The following C5 variants were observed in gnomAD, a reference collection of about 807,000 sequenced individuals.
C5 encodes complement C5.
Under a neutral mutation model 218.8 loss-of-function variants are expected in C5, and 140 were observed. The observed-to-expected ratio is 0.64, with a 90% CI of 0.56 to 0.74. The LOEUF (loss-of-function observed/expected upper bound fraction) is 0.74. C5 is among the 30% of genes least tolerant of loss of function. The pLI, the probability that C5 is intolerant of heterozygous loss-of-function variation, is 0.00. For missense variants in C5, 1,700 were observed against 1,969.6 expected, an observed-to-expected ratio of 0.86 and a Z score of 2.59; for synonymous variants, 614 against 682.3, an observed-to-expected ratio of 0.90 and a Z score of 1.56.
intron 20 of C5, among the ~76,000 whole-genome samples, chr9:121,000,841 C>T (rs1269124295): frequency 3.3e-5 from 5 of 152,130 alleles, no homozygotes; most frequent in Non-Finnish European, 1.5e-5. Context: ...CACCCTCCAC[C>T]CTCAAGCAGG....
chr9:120,977,132 C>T (rs373851810), intron 28 of C5, among the ~76,000 whole-genome samples: 8 of 152,176 alleles, frequency 5.3e-5, no homozygotes, highest in African/African-American at 1.9e-4. Flanking sequence ...TGAAATGCCC[C>T]CAAAATCTGA....
At chr9:121,036,456 G>A (rs2047525394) in intron 4 of C5, among the ~76,000 whole-genome samples, 1 of 152,204 alleles carries the variant, frequency 6.6e-6, no homozygotes, top group South Asian at 2.1e-4. Context: ...GTTGGATAAA[G>A]AGCATACATC....
At chr9:120,974,224 A>G (rs2046935316) in intron 30 of C5, among the ~76,000 whole-genome samples, 1 of 152,182 alleles carries the variant, frequency 6.6e-6, no homozygotes, top group Non-Finnish European at 1.5e-5. Flanking sequence ...CCACCTTTAA[A>G]AATCCAGCAG....
intron 12 of C5, among the ~76,000 whole-genome samples, chr9:121,018,938 A>C (rs2047340388): frequency 6.6e-6 from 1 of 152,166 alleles, no homozygotes; most frequent in African/African-American, 2.4e-5. Context: ...AGAAACTAAA[A>C]GTCATACTGA....
the C5 span, among the ~76,000 whole-genome samples, chr9:121,067,085 G>T: frequency 2.6e-5 from 4 of 151,918 alleles, no homozygotes; most frequent in Non-Finnish European, 5.9e-5. Flanking sequence ...GGGCAATGCT[G>T]CAAGACCCCA....
At chr9:121,010,248 C>T (rs1265254341) in intron 17 of C5, among the ~76,000 whole-genome samples, 1 of 152,060 alleles carries the variant, frequency 6.6e-6, no homozygotes, top group East Asian at 1.9e-4. Flanking sequence ...GAGGACTCCA[C>T]CAAAAAACTA....
At chr9:120,995,857 C>T (rs557399424) in intron 22 of C5, among the ~76,000 whole-genome samples, 2 of 141,322 alleles carry the variant, frequency 1.4e-5, no homozygotes, top group South Asian at 2.2e-4. Flanking sequence ...CTTGCTCTGT[C>T]GCCCAGGCTG....
At position 121,018,802 on chromosome 9, in the gene C5, A is replaced by G. The variant is rs749528500; in HGVS notation, c.1507-950T>C. ...GGAAGGAAGGAAGGAAGGAAGGAAG[A>G]AAGAGTGAGTTAACGTTTATGGGCC... On this transcript the variant is annotated intron_variant, in intron 12 of 40. Transcript: ENST00000223642. Among the ~76,000 whole-genome samples, 266 of 129,198 alleles carry G rather than the reference A, an allele frequency of 2.1e-3. 1 individual carries two copies. Among genetic ancestry groups the G allele is most frequent in the African/African-American group, 5.6e-3 (205 of 36,454 alleles). The allele number at this position is 129,198 out of a possible 152,430, so 84.8% of individuals were successfully genotyped here.
chr9:120,957,724 C>T (rs2046796769), intron 38 of C5, among the ~76,000 whole-genome samples: 2 of 152,156 alleles, frequency 1.3e-5, no homozygotes. Flanking sequence ...TTTGAAGAGC[C>T]CCTTCATTCT....
In C5 at chr9:121,017,766, T is replaced by C. The variant is rs1229960564; in HGVS notation, c.1593A>G (p.Thr531=). The C allele has an allele frequency of 6.2e-7, 1 of 1,613,430 alleles. No homozygotes were observed. ...ASYQSINIPV[T]QNMVPSSRLL... is the part of the protein sequence containing the mutation. Reference sequence around the variant, plus strand: ...GTCGGGATGAAGGAACCATGTTCTGTGTTACTGGAATGTTTATACTTTGAT... The same window carrying C: ...GTCGGGATGAAGGAACCATGTTCTGCGTTACTGGAATGTTTATACTTTGAT... The change falls in exon 13 of 41, where the codon ACA becomes ACG. Residue 531 remains threonine, a synonymous_variant. Transcript: ENST00000223642.
chr9:120,985,775 T>C (rs1470182958), intron 25 of C5, among the ~76,000 whole-genome samples: 1 of 152,218 alleles, frequency 6.6e-6, no homozygotes, highest in African/African-American at 2.4e-5. Context: ...ATCACTTCAT[T>C]TTGGAAGCAA....
chr9:120,984,714 CTTTTTTTT>C (rs149222003), intron 25 of C5, among the ~76,000 whole-genome samples: 3 of 69,224 alleles, frequency 4.3e-5, no homozygotes, highest in Admixed American at 2.1e-4. Flanking sequence ...TAAGCTCTTA[CTTTTTTTT>C]TTTTTTTTTT....
intron 22 of C5, among the ~76,000 whole-genome samples, chr9:120,992,682 G>C (rs141406305): frequency 2.0e-5 from 3 of 152,006 alleles, no homozygotes; most frequent in African/African-American, 7.3e-5. Flanking sequence ...CAGTGATCAC[G>C]GTAAAAGACT....
intron 17 of C5, among the ~76,000 whole-genome samples, chr9:121,008,846 C>T (rs1321800725): frequency 6.6e-6 from 1 of 152,088 alleles, no homozygotes; most frequent in Non-Finnish European, 1.5e-5. Context: ...ACAAGAATCA[C>T]TTGAACCTGG....
chr9:121,013,318 GAAA>G (rs138938912), intron 17 of C5, among the ~76,000 whole-genome samples: 2 of 99,242 alleles, frequency 2.0e-5, no homozygotes, highest in Admixed American at 1.2e-4. Flanking sequence ...GATTCCTACT[GAAA>G]AAAAAAAAAA....
At chr9:121,008,384 G>T in intron 18 of C5, 24 bp downstream of exon 18, 1 of 1,561,994 alleles carries the variant, frequency 6.4e-7, no homozygotes, top group Middle Eastern at 1.7e-4. Context: ...TTTCTTTCAA[G>T]GAAACATGAA....
chr9:121,003,876 AT>A (rs532007269), intron 20 of C5, among the ~76,000 whole-genome samples: 10 of 150,384 alleles, frequency 6.6e-5, no homozygotes, highest in African/African-American at 1.2e-4. Context: ...TGAGAAGATA[AT>A]TTTTTTTTTG....
At chr9:121,051,546 T>A (rs1202208141), upstream of C5, among the ~76,000 whole-genome samples, 5 of 152,146 alleles carry the variant, frequency 3.3e-5, no homozygotes, top group Admixed American at 6.5e-5. Context: ...TTTAAAATAA[T>A]AAAACAGATG....
chr9:121,009,303 G>C (rs1223082123), intron 17 of C5, among the ~76,000 whole-genome samples: 1 of 152,260 alleles, frequency 6.6e-6, no homozygotes, highest in Non-Finnish European at 1.5e-5. Context: ...GCATAAGCAA[G>C]ACTGTGATCT....
Sources: gnomAD v4.1 joint callset for allele counts (sites outside exome capture counted in the v4.1 genomes callset) on GRCh38, gnomAD v4.1.1 for gene constraint, MANE v1.5 for transcripts, NCBI Gene and HGNC (gene_info 2026-07-23, HGNC 2026-07-21) for gene names.